The following COL22A1 variants were observed in gnomAD, a reference collection of about 807,000 sequenced individuals.
COL22A1 encodes the protein collagen alpha-1(XXII) chain.
COL22A1 carries 221 observed loss-of-function variants against 248.9 expected under a neutral mutation model. The ratio of observed to expected loss-of-function variants is 0.89; its 90% CI spans 0.80 to 0.99. The LOEUF is 0.99. Among genes scored for constraint, COL22A1 ranks in the 50% least tolerant of loss-of-function variants. The pLI, the probability that COL22A1 is intolerant of heterozygous loss-of-function variation, is 0.00. For missense variants in COL22A1, 2,240 were observed against 2,179.0 expected, an observed-to-expected ratio of 1.03 and a Z score of -0.56; for synonymous variants, 891 against 793.4, an observed-to-expected ratio of 1.12 and a Z score of -2.07.
intron 52 of COL22A1, among the ~76,000 whole-genome samples, chr8:138,620,993 CCACCCAT>C (rs1819752041): frequency 1.2e-3 from 27 of 22,982 alleles, no homozygotes; most frequent in Admixed American, 2.5e-3. Flanking sequence ...ATCCATCCAT[CCACCCAT>C]CCATCCATCC....
intron 16 of COL22A1, among the ~76,000 whole-genome samples, chr8:138,765,651 G>A (rs1833856466): frequency 6.6e-6 from 1 of 152,230 alleles, no homozygotes; most frequent in Non-Finnish European, 1.5e-5. Context: ...GGCCACTATT[G>A]TCTGTAAAAG....
At chr8:138,790,758 C>T (rs1815960862) in intron 12 of COL22A1, among the ~76,000 whole-genome samples, 1 of 152,182 alleles carries the variant, frequency 6.6e-6, no homozygotes, top group Non-Finnish European at 1.5e-5. Context: ...GGCCCCCACC[C>T]AATGAGAAGC....
Position 138,630,732 on chromosome 8 carries a change from G to A in COL22A1, c.3626C>T (p.Ala1209Val), listed in dbSNP as rs149747743. 957 of 1,613,870 alleles carry A rather than the reference G, an allele frequency of 5.9e-4. 11 individuals are homozygous for A. In the African/African-American group the frequency reaches 0.012, roughly 20 times the overall value. The change falls in exon 50 of 65, where the codon GCA becomes GTA. Residue 1209 changes from alanine to valine, a missense_variant. By Grantham distance (64) the Ala-to-Val change is moderately conservative. Coordinates refer to ENST00000303045, the MANE Select transcript of COL22A1 (RefSeq NM_152888.3). ...NPGPPGADGI[A>V]GAAGPPGIQG... ...GATTCCTGGTGGTCCAGCAGCTCCT[G>A]CAATTCCATCTGCCCCCTAAAAAAG...
chr8:138,632,461 C>T (rs925086655), intron 49 of COL22A1, among the ~76,000 whole-genome samples: 3 of 152,150 alleles, frequency 2.0e-5, no homozygotes, highest in African/African-American at 7.2e-5. Context: ...TGTCCACCCA[C>T]AACAAGGAAT....
At chr8:138,835,655 G>A (rs1248825079) in intron 4 of COL22A1, among the ~76,000 whole-genome samples, 2 of 152,194 alleles carry the variant, frequency 1.3e-5, no homozygotes, top group Admixed American at 6.5e-5. Flanking sequence ...CTCACTCTGA[G>A]CTGTAACGCA....
At chr8:138,683,575 G>A (rs1242728065) in intron 39 of COL22A1, among the ~76,000 whole-genome samples, 1 of 152,176 alleles carries the variant, frequency 6.6e-6, no homozygotes. Flanking sequence ...CAATCTCCAG[G>A]CCTGGCCCAT....
chr8:138,660,787 C>G (rs1044692050), intron 43 of COL22A1, among the ~76,000 whole-genome samples: 6 of 140,228 alleles, frequency 4.3e-5, no homozygotes, highest in African/African-American at 1.5e-4. Context: ...CATGCACACA[C>G]ACACACAGAC....
intron 4 of COL22A1, among the ~76,000 whole-genome samples, chr8:138,842,854 C>G (rs114892664): frequency 0.014 from 2,181 of 152,264 alleles, 53 homozygotes; most frequent in African/African-American, 0.05. Context: ...TGCCCCACCT[C>G]GAGAATATCA....
At chr8:138,876,029 G>A (rs944889437) in intron 3 of COL22A1, among the ~76,000 whole-genome samples, 2 of 152,042 alleles carry the variant, frequency 1.3e-5, no homozygotes, top group Middle Eastern at 3.2e-3. Flanking sequence ...GCTGTTCAGC[G>A]GCATTCCATT....
intron 52 of COL22A1, among the ~76,000 whole-genome samples, chr8:138,623,034 G>T (rs1373103419): frequency 6.6e-6 from 1 of 151,784 alleles, no homozygotes; most frequent in Non-Finnish European, 1.5e-5. Context: ...ACCAAACTCA[G>T]TGAGCACAGC....
chr8:138,877,027 G>A (rs1340099118), intron 3 of COL22A1, among the ~76,000 whole-genome samples: 2 of 152,204 alleles, frequency 1.3e-5, no homozygotes, highest in South Asian at 2.1e-4. Flanking sequence ...TGGGGAGGGC[G>A]CTGTCCTCAG....
At chr8:138,772,204 GC>G (rs1834426977) in intron 16 of COL22A1, among the ~76,000 whole-genome samples, 1 of 152,238 alleles carries the variant, frequency 6.6e-6, no homozygotes, top group Non-Finnish European at 1.5e-5. Flanking sequence ...TCTCGCATGG[GC>G]CCGGTGCTCA....
At chr8:138,642,921 C>T (rs1174172948) in intron 47 of COL22A1, among the ~76,000 whole-genome samples, 1 of 151,732 alleles carries the variant, frequency 6.6e-6, no homozygotes, top group Non-Finnish European at 1.5e-5. Context: ...CCCAGCTACT[C>T]AGGGGGCTGA....
intron 12 of COL22A1, among the ~76,000 whole-genome samples, chr8:138,795,493 T>A (rs79165011): frequency 0.011 from 1,705 of 149,632 alleles, 23 homozygotes; most frequent in African/African-American, 0.038. Context: ...TTTGTCTCCA[T>A]CATTAATTTC....
intron 1 of COL22A1, among the ~76,000 whole-genome samples, chr8:138,911,510 C>A (rs1324182620): frequency 6.6e-6 from 1 of 152,226 alleles, no homozygotes; most frequent in Non-Finnish European, 1.5e-5. Flanking sequence ...AGAGGCCCTG[C>A]AGGTCACACA....
intron 3 of COL22A1, among the ~76,000 whole-genome samples, chr8:138,864,959 G>A (rs1035558423): frequency 1.3e-5 from 2 of 152,210 alleles, no homozygotes; most frequent in African/African-American, 2.4e-5. Context: ...GGCACCCCAG[G>A]GCAGTGCCAA....
intron 17 of COL22A1, among the ~76,000 whole-genome samples, chr8:138,760,613 C>T (rs889203069): frequency 1.2e-4 from 18 of 152,044 alleles, no homozygotes; most frequent in African/African-American, 4.3e-4. Context: ...TAACCAGGAC[C>T]TGCCCCGGCC....
At chr8:138,674,772 T>TA (rs1732586879) in intron 41 of COL22A1, among the ~76,000 whole-genome samples, 1 of 152,152 alleles carries the variant, frequency 6.6e-6, no homozygotes, top group African/African-American at 2.4e-5. Context: ...CAGTTTCACT[T>TA]ACAACCCTTT....
At chr8:138,601,991 A>C (rs1235341168) in intron 60 of COL22A1, 124 bp downstream of exon 60, 5 of 947,362 alleles carry the variant, frequency 5.3e-6, no homozygotes, top group Non-Finnish European at 8.4e-6. Flanking sequence ...CAAAATCACT[A>C]CAGGCGGCAT....
Sources: gnomAD v4.1 joint callset for allele counts (sites outside exome capture counted in the v4.1 genomes callset) on GRCh38, gnomAD v4.1.1 for gene constraint, MANE v1.5 for transcripts, NCBI Gene and HGNC (gene_info 2026-07-23, HGNC 2026-07-21) for gene names.